The following LNX1 variants were observed in gnomAD, a reference collection of about 807,000 sequenced individuals.
The protein encoded by LNX1 is ligand of numb-protein X 1.
Under a neutral mutation model 68.4 loss-of-function variants are expected in LNX1, and 54 were observed. The observed-to-expected ratio is 0.79, with a 90% CI of 0.63 to 0.99. LNX1 has a LOEUF of 0.99. Among genes scored for constraint, LNX1 ranks in the 50% least tolerant of loss-of-function variants. The probability of loss-of-function intolerance (pLI) is 0.00; values close to 1 mark genes in which losing one functional copy is unlikely to be tolerated. For missense variants in LNX1, 906 were observed against 926.4 expected (o/e 0.98, Z 0.29); for synonymous variants, 336 against 350.0 (o/e 0.96, Z 0.45).
Position 53,508,000 on chromosome 4 carries a change from C to T in LNX1, c.608G>A (p.Ser203Asn), listed in dbSNP as rs149419250. 6.2e-7 allele frequency: 1 copy of T among 1,614,010 alleles called. No individual in the cohort carries two copies. The highest frequency in any genetic ancestry group is 8.5e-7 in the Non-Finnish European group (1 of 1,179,898). ...ATTTGACTCACCCCTAGTTCGGTTGCTCCGGCCAGAGTCCACTGGGCTGAT... is the reference window on the plus strand; with the variant it reads ...ATTTGACTCACCCCTAGTTCGGTTGTTCCGGCCAGAGTCCACTGGGCTGAT... The part of the protein sequence containing the change: ...PAISPVDSGR[S>N]NRTRARPFER... Residue 203 changes from serine (S) to asparagine (N), a missense_variant, in exon 3 of 11, where the codon AGC becomes AAC. Coordinates refer to ENST00000263925, the MANE Select transcript of LNX1 (RefSeq NM_001126328.3).
chr4:53,605,582 C>T (rs568427241), intron 2 of LNX1, among the ~76,000 whole-genome samples: 1 of 152,230 alleles, frequency 6.6e-6, no homozygotes, highest in Admixed American at 6.5e-5. Flanking sequence ...CCTACATAAC[C>T]CTGTCCTCTC....
chr4:53,541,294 A>C (rs1728751204), intron 2 of LNX1, among the ~76,000 whole-genome samples: 1 of 152,202 alleles, frequency 6.6e-6, no homozygotes. Flanking sequence ...ATGGCTCTCT[A>C]AAACTACACT....
intron 2 of LNX1, among the ~76,000 whole-genome samples, chr4:53,534,084 A>C (rs566181260): frequency 4.6e-5 from 7 of 152,206 alleles, no homozygotes; most frequent in Admixed American, 4.6e-4. Context: ...CTTGTGGAAG[A>C]CTTTCATAAT....
intron 2 of LNX1, among the ~76,000 whole-genome samples, chr4:53,561,914 G>A (rs986172020): frequency 5.4e-5 from 8 of 149,506 alleles, no homozygotes; most frequent in African/African-American, 1.0e-4. Context: ...CGTTCTGTAC[G>A]TGTATCCCAG....
At chr4:53,496,580 C>G in intron 5 of LNX1, 186 bp from the exon 6 acceptor site, 2 of 640,604 alleles carry the variant, frequency 3.1e-6, no homozygotes, top group Non-Finnish European at 5.3e-6. Flanking sequence ...GCGTGGCCTG[C>G]AGCACCTCTC....
At chr4:53,501,318 T>G (rs1725489963) in intron 4 of LNX1, among the ~76,000 whole-genome samples, 2 of 120,916 alleles carry the variant, frequency 1.7e-5, no homozygotes, top group African/African-American at 6.1e-5. Context: ...GGGGACAGGA[T>G]CTCACTCTGT....
chr4:53,630,216 G>A (rs1734218142), intron 1 of LNX1, among the ~76,000 whole-genome samples: 1 of 152,066 alleles, frequency 6.6e-6, no homozygotes, highest in African/African-American at 2.4e-5. Context: ...TCATTAAAAT[G>A]TTTTGTTACT....
intron 4 of LNX1, chr4:53,502,059 T>G (rs894987076): frequency 6.6e-6 from 1 of 152,202 alleles, no homozygotes. Flanking sequence ...CCTCATCTTC[T>G]GTATTGGTCT....
At chr4:53,465,201 C>T (rs1182538678) in intron 9 of LNX1, among the ~76,000 whole-genome samples, 3 of 152,112 alleles carry the variant, frequency 2.0e-5, no homozygotes, top group Non-Finnish European at 4.4e-5. Flanking sequence ...TTTGGCTGCC[C>T]AGTTTACATC....
intron 2 of LNX1, among the ~76,000 whole-genome samples, chr4:53,614,421 T>A (rs1733610541): frequency 6.6e-6 from 1 of 152,150 alleles, no homozygotes; most frequent in African/African-American, 2.4e-5. Flanking sequence ...GATCTCTACC[T>A]CTATCCCTTC....
In LNX1 at chr4:53,488,117, T is replaced by C. The variant is rs75088166; in HGVS notation, c.1351-6263A>G. On this transcript the variant is annotated intron_variant, in intron 6 of 10. Coordinates refer to ENST00000263925, the MANE Select transcript of LNX1 (RefSeq NM_001126328.3). ...CCAACATTTTCTCTATAGCCTATAATTCAATTTCCCTACAAATTCCTTGCC... is the reference window on the plus strand; with the variant it reads ...CCAACATTTTCTCTATAGCCTATAACTCAATTTCCCTACAAATTCCTTGCC... Among the ~76,000 whole-genome samples, 95 of 152,362 alleles carry C rather than the reference T, an allele frequency of 6.2e-4. 1 individual carries two copies. In the East Asian group the frequency reaches 0.017, roughly 27 times the overall value.
chr4:53,500,956 CA>C (rs1666423126), intron 4 of LNX1, among the ~76,000 whole-genome samples: 1 of 152,266 alleles, frequency 6.6e-6, no homozygotes, highest in East Asian at 1.9e-4. Flanking sequence ...AACAGATTTA[CA>C]AAAACCACAC....
intron 9 of LNX1, among the ~76,000 whole-genome samples, chr4:53,470,920 G>A (rs1482789404): frequency 6.6e-6 from 1 of 151,956 alleles, no homozygotes; most frequent in Non-Finnish European, 1.5e-5. Context: ...ACTGCCCAAG[G>A]TAATTTATAG....
At chr4:53,535,494 T>A (rs1379094402) in intron 2 of LNX1, among the ~76,000 whole-genome samples, 1 of 152,088 alleles carries the variant, frequency 6.6e-6, no homozygotes, top group Non-Finnish European at 1.5e-5. Flanking sequence ...TGGCTCATTA[T>A]GTTGTAATGA....
chr4:53,564,941 G>A (rs962861659), intron 2 of LNX1, among the ~76,000 whole-genome samples: 50 of 152,144 alleles, frequency 3.3e-4, no homozygotes, highest in Admixed American at 2.6e-4. Flanking sequence ...CTTTTCCGAC[G>A]GGCTTAAAAA....
chr4:53,464,782 A>G (rs959873909), intron 9 of LNX1, among the ~76,000 whole-genome samples: 4 of 152,138 alleles, frequency 2.6e-5, no homozygotes, highest in African/African-American at 7.2e-5. Context: ...TTTTAAAGCA[A>G]TTTTAGTAAG....
At chr4:53,593,373 G>A (rs1192758026), upstream of LNX1, among the ~76,000 whole-genome samples, 1 of 152,198 alleles carries the variant, frequency 6.6e-6, no homozygotes, top group East Asian at 1.9e-4. Context: ...CCTTGGGTGG[G>A]CAGGGGAAGG....
chr4:53,623,837 A>G (rs1400036606), intron 1 of LNX1, among the ~76,000 whole-genome samples: 5 of 152,208 alleles, frequency 3.3e-5, no homozygotes, highest in Non-Finnish European at 7.4e-5. Context: ...TAGCTTGCCC[A>G]AGGTTGCACA....
chr4:53,519,119 T>C (rs1334885306), intron 2 of LNX1, among the ~76,000 whole-genome samples: 1 of 152,208 alleles, frequency 6.6e-6, no homozygotes, highest in Non-Finnish European at 1.5e-5. Context: ...GCTGGCTGTC[T>C]CACTGCCCCT....
Sources: gnomAD v4.1 joint callset for allele counts (sites outside exome capture counted in the v4.1 genomes callset) on GRCh38, gnomAD v4.1.1 for gene constraint, MANE v1.5 for transcripts, NCBI Gene and HGNC (gene_info 2026-07-23, HGNC 2026-07-21) for gene names.